LRRC7: variants seen among roughly 807,000 people sequenced by gnomAD.
LRRC7 encodes the protein leucine-rich repeat-containing protein 7.
In LRRC7, 23 loss-of-function variants were observed where a neutral mutation model predicts 175.7. That is an observed-to-expected ratio of 0.13 (90% confidence interval 0.09 to 0.19). The LOEUF is 0.19. Among genes scored for constraint, LRRC7 ranks in the 10% least tolerant of loss-of-function variants. LRRC7 has a pLI of 1.00. For missense variants in LRRC7, 1,354 were observed against 1,904.7 expected, an observed-to-expected ratio of 0.71 and a Z score of 5.38; for synonymous variants, 685 against 680.9, an observed-to-expected ratio of 1.01 and a Z score of -0.09.
intron 1 of LRRC7, among the ~76,000 whole-genome samples, chr1:69,654,605 A>C (rs1047677631): frequency 2.0e-5 from 3 of 152,112 alleles, no homozygotes; most frequent in African/African-American, 7.2e-5. Flanking sequence ...CTAGGTGAAG[A>C]AGCAATGTTA....
At chr1:69,802,902 CTGTT>C (rs1243178119) in intron 4 of LRRC7, among the ~76,000 whole-genome samples, 8 of 151,396 alleles carry the variant, frequency 5.3e-5, no homozygotes, top group African/African-American at 1.4e-4. Context: ...TCTTCTAAAA[CTGTT>C]TGTTTTTCTT....
At chr1:69,660,712 A>C (rs1250428300) in intron 1 of LRRC7, among the ~76,000 whole-genome samples, 1 of 152,050 alleles carries the variant, frequency 6.6e-6, no homozygotes, top group Non-Finnish European at 1.5e-5. Flanking sequence ...GTTGATTAGA[A>C]GGGGAAATAA....
At chr1:69,976,952 A>T (rs1652879335) in intron 8 of LRRC7, among the ~76,000 whole-genome samples, 1 of 147,890 alleles carries the variant, frequency 6.8e-6, no homozygotes, top group Admixed American at 6.7e-5. Context: ...TTTTGATGCC[A>T]ACTGATTCCT....
chr1:70,042,412 T>G (rs910701689), intron 21 of LRRC7, among the ~76,000 whole-genome samples: 1 of 152,186 alleles, frequency 6.6e-6, no homozygotes, highest in Non-Finnish European at 1.5e-5. Flanking sequence ...ACACAAGAAA[T>G]TACAAGATCT....
chr1:69,748,094 G>C (rs1433426551), intron 2 of LRRC7, among the ~76,000 whole-genome samples: 1 of 152,064 alleles, frequency 6.6e-6, no homozygotes, highest in Admixed American at 6.6e-5. Flanking sequence ...TTTATTAAAA[G>C]ATTATCACAA....
chr1:69,592,283 C>T (rs74084920), intron 1 of LRRC7, among the ~76,000 whole-genome samples: 3,635 of 152,020 alleles, frequency 0.024, 123 homozygotes, highest in African/African-American at 0.082. Context: ...TAAATTTTTA[C>T]GTAAAGTCTG....
At chr1:69,574,835 A>C (rs191234315) in intron 1 of LRRC7, among the ~76,000 whole-genome samples, 1 of 152,140 alleles carries the variant, frequency 6.6e-6, no homozygotes. Context: ...GTGTAATTCA[A>C]GACATGAAAA....
intron 8 of LRRC7, among the ~76,000 whole-genome samples, chr1:69,965,814 G>C (rs1651609822): frequency 6.6e-6 from 1 of 152,000 alleles, no homozygotes; most frequent in South Asian, 2.1e-4. Flanking sequence ...GTACAAGTAG[G>C]GTTGTCATCA....
At chr1:69,947,718 A>G (rs1249820376) in intron 8 of LRRC7, among the ~76,000 whole-genome samples, 3 of 152,108 alleles carry the variant, frequency 2.0e-5, no homozygotes, top group Non-Finnish European at 4.4e-5. Context: ...TGCAGAGGAT[A>G]TGCTTCAAAA....
intron 26 of LRRC7, among the ~76,000 whole-genome samples, chr1:70,115,063 A>C (rs1665760946): frequency 6.6e-6 from 1 of 152,350 alleles, no homozygotes; most frequent in African/African-American, 2.4e-5. Context: ...CTTTAAAAGA[A>C]AATGGTGTTT....
At chr1:69,762,970 T>C (rs1671201694) in intron 3 of LRRC7, among the ~76,000 whole-genome samples, 1 of 152,008 alleles carries the variant, frequency 6.6e-6, no homozygotes, top group Admixed American at 6.6e-5. Context: ...AAAACAGCCA[T>C]GTAAGCTAGT....
In LRRC7 at chr1:69,575,530, A is replaced by G. The variant is rs540372707; in HGVS notation, c.2+6889A>G. Among the ~76,000 whole-genome samples, 5 of 152,284 alleles carry G rather than the reference A, an allele frequency of 3.3e-5. No homozygotes were observed. The South Asian group carries it at 8.3e-4, about 25-fold the overall frequency. On this transcript the variant is annotated intron_variant, in intron 1 of 26. Transcript: ENST00000651989. ...CAGACTCCTATGCTATAAATTTAAC[A>G]TCTGTTAAGTATTCTATTTTTAAAA...
chr1:69,646,028 A>AT (rs1329381052), intron 1 of LRRC7, among the ~76,000 whole-genome samples: 3 of 152,118 alleles, frequency 2.0e-5, no homozygotes, highest in Non-Finnish European at 4.4e-5. Flanking sequence ...ATATTCTAAA[A>AT]TTTTGGAAGT....
intron 7 of LRRC7, among the ~76,000 whole-genome samples, chr1:69,888,571 C>T (rs907581134): frequency 5.9e-5 from 9 of 152,098 alleles, no homozygotes; most frequent in Admixed American, 6.5e-5. Flanking sequence ...AGAAATCACC[C>T]GTCTTCTGCG....
chr1:69,878,372 A>G (rs1011006257), intron 7 of LRRC7, among the ~76,000 whole-genome samples: 1 of 152,038 alleles, frequency 6.6e-6, no homozygotes, highest in Non-Finnish European at 1.5e-5. Flanking sequence ...AACAAGCTGT[A>G]TTATCTTTGA....
intron 7 of LRRC7, among the ~76,000 whole-genome samples, chr1:69,925,415 G>T (rs1647034779): frequency 6.6e-6 from 1 of 152,140 alleles, no homozygotes; most frequent in South Asian, 2.1e-4. Context: ...ATTCGGCTGT[G>T]AATCCATCTG....
chr1:69,901,405 A>G lies in LRRC7; in HGVS notation c.648-30102A>G, dbSNP rs140326802. ...AGTAATACTCATTAAAATAGCAAAT[A>G]GAGAAGAGGCAAGTTATTTCTCCTT... On this transcript the variant is annotated intron_variant, in intron 7 of 26. Coordinates refer to ENST00000651989, the MANE Select transcript of LRRC7 (RefSeq NM_001370785.2). Among the ~76,000 whole-genome samples the G allele has an allele frequency of 4.6e-5, 7 of 152,274 alleles. No individual in the cohort carries two copies. In the East Asian group the frequency reaches 1.4e-3, roughly 29 times the overall value.
At chr1:69,882,446 G>A (rs1686714187) in intron 7 of LRRC7, among the ~76,000 whole-genome samples, 2 of 152,014 alleles carry the variant, frequency 1.3e-5, no homozygotes, top group Admixed American at 1.3e-4. Flanking sequence ...GCCAAAATAT[G>A]GAAACAACGT....
At chr1:69,988,077 G>A (rs1054717940) in intron 10 of LRRC7, among the ~76,000 whole-genome samples, 2 of 152,078 alleles carry the variant, frequency 1.3e-5, no homozygotes, top group African/African-American at 4.8e-5. Flanking sequence ...ACATCCACTG[G>A]TCAAGATGAC....
Sources: allele counts gnomAD v4.1 joint callset (sites outside exome capture counted in the v4.1 genomes callset), GRCh38; gene constraint gnomAD v4.1.1; transcripts MANE v1.5; gene names NCBI Gene and HGNC (gene_info 2026-07-23, HGNC 2026-07-21).